Variants in ZNF277 observed in about 807,000 individuals in gnomAD.
ZNF277 encodes the protein nuclear receptor-interacting factor 4.
ZNF277 carries 55 observed loss-of-function variants against 60.7 expected under a neutral mutation model. The ratio of observed to expected loss-of-function variants is 0.91; its 90% CI spans 0.73 to 1.13. The LOEUF is 1.13. ZNF277 is among the 50% of genes most tolerant of loss of function. The pLI, the probability that ZNF277 is intolerant of heterozygous loss-of-function variation, is 0.00. For missense variants in ZNF277, 510 were observed against 523.0 expected (o/e 0.98, Z 0.24); for synonymous variants, 178 against 179.3 (o/e 0.99, Z 0.06).
chr7:112,336,836 A>G (rs1173054625), intron 8 of ZNF277, among the ~76,000 whole-genome samples: 2 of 152,184 alleles, frequency 1.3e-5, no homozygotes, highest in Admixed American at 6.5e-5. Flanking sequence ...TCCCATTAAG[A>G]CATACTAGTT....
chr7:112,236,602 T>C (rs1315435288), intron 1 of ZNF277, among the ~76,000 whole-genome samples: 3 of 152,100 alleles, frequency 2.0e-5, no homozygotes, highest in African/African-American at 7.2e-5. Context: ...TCACAGTAAG[T>C]TTTAAAATGG....
chr7:112,239,663 G>C (rs1790896977), intron 1 of ZNF277, among the ~76,000 whole-genome samples: 1 of 152,162 alleles, frequency 6.6e-6, no homozygotes, highest in Non-Finnish European at 1.5e-5. Context: ...TGTCCTACAA[G>C]ACATGCTAAA....
intron 4 of ZNF277, among the ~76,000 whole-genome samples, chr7:112,306,618 T>C (rs1296091255): frequency 2.0e-5 from 3 of 152,120 alleles, no homozygotes; most frequent in East Asian, 3.9e-4. Flanking sequence ...CTAAACATAT[T>C]TGGGGAGCAC....
chr7:112,308,497 A>G (rs1792650961), intron 4 of ZNF277, among the ~76,000 whole-genome samples: 1 of 151,730 alleles, frequency 6.6e-6, no homozygotes, highest in African/African-American at 2.4e-5. Context: ...AGCCTGGACA[A>G]CAGAGCAAGA....
intron 2 of ZNF277, among the ~76,000 whole-genome samples, chr7:112,294,922 G>A (rs1792290653): frequency 6.6e-6 from 1 of 152,106 alleles, no homozygotes; most frequent in Non-Finnish European, 1.5e-5. Flanking sequence ...AACATTCCTA[G>A]ATGTGCTAAG....
chr7:112,269,497 T>A (rs1337077735), intron 1 of ZNF277, among the ~76,000 whole-genome samples: 2 of 152,142 alleles, frequency 1.3e-5, no homozygotes, highest in African/African-American at 4.8e-5. Flanking sequence ...TGGAACTGTA[T>A]CAGGGAGGTA....
chr7:112,247,350 G>A (rs1214577020), intron 1 of ZNF277, among the ~76,000 whole-genome samples: 5 of 152,146 alleles, frequency 3.3e-5, no homozygotes, highest in Non-Finnish European at 7.4e-5. Context: ...GTGCAGAAAA[G>A]TTCAAACATG....
intron 1 of ZNF277, among the ~76,000 whole-genome samples, chr7:112,277,055 G>C (rs889182039): frequency 6.8e-6 from 1 of 147,078 alleles, no homozygotes; most frequent in Non-Finnish European, 1.5e-5. Context: ...TGGGTCCCCA[G>C]AACCCTTTTA....
intron 1 of ZNF277, among the ~76,000 whole-genome samples, chr7:112,277,875 A>G (rs1481013832): frequency 6.6e-6 from 1 of 152,238 alleles, no homozygotes; most frequent in Non-Finnish European, 1.5e-5. Flanking sequence ...CACCAAATAC[A>G]AATCTATTGC....
At chr7:112,271,101 T>C (rs933081922) in intron 1 of ZNF277, among the ~76,000 whole-genome samples, 5 of 152,132 alleles carry the variant, frequency 3.3e-5, no homozygotes, top group African/African-American at 7.2e-5. Context: ...AGACATTCCA[T>C]TGAAGCTAGT....
At chr7:112,218,936 A>G (rs1821956197) in intron 1 of ZNF277, among the ~76,000 whole-genome samples, 1 of 152,250 alleles carries the variant, frequency 6.6e-6, no homozygotes, top group Non-Finnish European at 1.5e-5. Context: ...ATAGGAGTGC[A>G]GATATCTCAT....
intron 1 of ZNF277, among the ~76,000 whole-genome samples, chr7:112,209,490 A>T (rs755854412): frequency 6.6e-6 from 1 of 152,160 alleles, no homozygotes; most frequent in Admixed American, 6.5e-5. Flanking sequence ...GTTTTCAATA[A>T]AAGTGTTGAG....
intron 8 of ZNF277, among the ~76,000 whole-genome samples, chr7:112,337,358 G>C (rs563906997): frequency 6.6e-6 from 1 of 152,316 alleles, no homozygotes; most frequent in East Asian, 1.9e-4. Flanking sequence ...CTCACAGCGT[G>C]TGCACTCAGT....
chr7:112,231,442 T>C (rs77878687), intron 1 of ZNF277, among the ~76,000 whole-genome samples: 20,435 of 152,144 alleles, frequency 0.13, 1,442 homozygotes, highest in East Asian at 0.16. Flanking sequence ...GTCACCCTTA[T>C]CAAAATTTTG....
chr7:112,325,956 C>T (rs755096651), intron 5 of ZNF277, among the ~76,000 whole-genome samples: 10 of 152,126 alleles, frequency 6.6e-5, no homozygotes, highest in Non-Finnish European at 1.3e-4. Flanking sequence ...ACAGAGTCTT[C>T]GAGACTGGCC....
chr7:112,320,879 A>G (rs913672961), intron 5 of ZNF277, among the ~76,000 whole-genome samples: 2 of 82,498 alleles, frequency 2.4e-5, no homozygotes, highest in African/African-American at 9.3e-5. Flanking sequence ...TTGAATAGGT[A>G]TTTTCTAGTG....
intron 1 of ZNF277, among the ~76,000 whole-genome samples, chr7:112,212,414 T>C (rs938032003): frequency 3.3e-5 from 5 of 152,268 alleles, no homozygotes; most frequent in African/African-American, 1.2e-4. Context: ...ATTTAAAAGC[T>C]GTGTAACATA....
In ZNF277 at chr7:112,223,344, T is replaced by G. The variant is rs535946515; in HGVS notation, c.91+16537T>G. Among the ~76,000 whole-genome samples the G allele has an allele frequency of 1.3e-3, 196 of 152,264 alleles. 1 individual carries two copies. Among genetic ancestry groups the G allele is most frequent in the Non-Finnish European group, 2.2e-3 (148 of 68,024 alleles). ...TGTGTCTTTGTTCCAGGAACACTGATCTAGGACTGTAGCTGAGAAGGCCTG... is the reference window on the plus strand; with the variant it reads ...TGTGTCTTTGTTCCAGGAACACTGAGCTAGGACTGTAGCTGAGAAGGCCTG... On this transcript the variant is annotated intron_variant, in intron 1 of 11. Transcript: ENST00000361822.
intron 1 of ZNF277, among the ~76,000 whole-genome samples, chr7:112,230,105 A>G (rs896376366): frequency 6.6e-6 from 1 of 152,234 alleles, no homozygotes; most frequent in African/African-American, 2.4e-5. Flanking sequence ...GTGGGTGAGT[A>G]ATATGAATCA....
Sources: gnomAD v4.1 joint callset for allele counts (sites outside exome capture counted in the v4.1 genomes callset) on GRCh38, gnomAD v4.1.1 for gene constraint, MANE v1.5 for transcripts, NCBI Gene and HGNC (gene_info 2026-07-23, HGNC 2026-07-21) for gene names.